The following SPPL2A variants were observed in gnomAD, a reference collection of about 807,000 sequenced individuals.
SPPL2A encodes the protein signal peptide peptidase like 2A, also known as signal peptide peptidase-like 2A.
Under a neutral mutation model 63.8 loss-of-function variants are expected in SPPL2A, and 51 were observed. The observed-to-expected ratio is 0.80, with a 90% CI of 0.64 to 1.01. SPPL2A has a LOEUF of 1.01. Ranked by LOEUF, SPPL2A falls within the 50% of genes least tolerant of loss-of-function variation. The pLI is 0.00. For synonymous variants in SPPL2A, 188 were observed against 205.8 expected (o/e 0.91, Z 0.74); for missense variants, 553 against 622.7 (o/e 0.89, Z 1.19).
rs1289066007 is a variant in SPPL2A at position 50,703,352 on chromosome 15, A to ATTTTTT, written c.*4447_*4448insAAAAAA. The ATTTTTT allele has an allele frequency of 3.5e-4, 22 of 63,360 alleles. No homozygotes were observed. Among genetic ancestry groups the ATTTTTT allele is most frequent in the African/African-American group, 6.9e-4 (11 of 15,854 alleles). 3.9% of individuals were successfully genotyped at this position (63,360 alleles called of 1,614,324 possible). ...TATATATATATATATATATACATATATATATTTTTTTTTTTTTTTTTTTTT... is the reference window on the plus strand; with the variant it reads ...TATATATATATATATATATACATATATTTTTTTATATTTTTTTTTTTTTTTTTTTTT... On this transcript the variant is annotated 3_prime_UTR_variant, in exon 15 of 15. Coordinates refer to ENST00000261854, the MANE Select transcript of SPPL2A (RefSeq NM_032802.4).
At chr15:50,755,317 CAAA>C (rs112405405) in intron 1 of SPPL2A, among the ~76,000 whole-genome samples, 1 of 119,710 alleles carries the variant, frequency 8.4e-6, no homozygotes. Context: ...GACTCTGTCT[CAAA>C]AAAAAAAAAA....
intron 1 of SPPL2A, among the ~76,000 whole-genome samples, chr15:50,756,949 C>T (rs914774768): frequency 6.6e-6 from 1 of 152,114 alleles, no homozygotes; most frequent in Admixed American, 6.6e-5. Context: ...CCAACCATCA[C>T]ACTCCAGTTT....
intron 14 of SPPL2A, among the ~76,000 whole-genome samples, chr15:50,715,698 T>C (rs2062594616): frequency 6.6e-6 from 1 of 152,186 alleles, no homozygotes; most frequent in Non-Finnish European, 1.5e-5. Context: ...TATGCACTAA[T>C]TTGTAATTAA....
rs545219549 is a variant in SPPL2A, at chr15:50,750,899, C to T, written c.67-1153G>A. Reference sequence around the variant, plus strand: ...ATGTTGATGTACTAAGCTTCTGCCACCAAAGCACATTATTAGATTGAATCA... The same window carrying T: ...ATGTTGATGTACTAAGCTTCTGCCATCAAAGCACATTATTAGATTGAATCA... On this transcript the variant is annotated intron_variant, in intron 1 of 14. Transcript: ENST00000261854. Among the ~76,000 whole-genome samples the T allele has an allele frequency of 2.6e-5, 4 of 152,332 alleles. No individual in the cohort carries two copies. In the South Asian group the frequency reaches 8.3e-4, roughly 32 times the overall value.
At chr15:50,732,793 C>T in intron 8 of SPPL2A, 109 bp from the exon 9 acceptor site, 1 of 679,182 alleles carries the variant, frequency 1.5e-6, no homozygotes, top group Non-Finnish European at 2.5e-6. Context: ...TTTGACTATT[C>T]CTTTTTTTTT....
At position 50,747,543 on chromosome 15, in the gene SPPL2A, G is replaced by T. The variant is rs200127156; in HGVS notation, c.536C>A (p.Ala179Glu). The change falls in exon 5 of 15, where the codon GCG becomes GAG. Residue 179 changes from alanine to glutamate, a missense_variant. Ala to Glu is a moderately radical substitution (Grantham distance 107). Transcript: ENST00000261854. Reference sequence around the variant, plus strand: ...TCCACCTAATGCCACAGTGAACACCGCAATTACAAAAATAACCACCATAGT... The same window carrying T: ...TCCACCTAATGCCACAGTGAACACCTCAATTACAAAAATAACCACCATAGT... ...DYTMVVIFVIAVFTVALGGYW... is the reference protein window; with the variant it reads ...DYTMVVIFVIEVFTVALGGYW... 13 of 1,610,640 alleles carry T rather than the reference G, an allele frequency of 8.1e-6. No individual in the cohort carries two copies. The highest frequency in any genetic ancestry group is 1.1e-5 in the Non-Finnish European group (13 of 1,177,510).
intron 1 of SPPL2A, among the ~76,000 whole-genome samples, chr15:50,761,644 A>G (rs919146133): frequency 6.6e-6 from 1 of 151,956 alleles, no homozygotes; most frequent in African/African-American, 2.4e-5. Flanking sequence ...AATAAAATAA[A>G]AAGAGCCAGG....
rs899230485 is a variant in SPPL2A at position 50,705,641 on chromosome 15, T to G, written c.*2159A>C. Reference sequence around the variant, plus strand: ...AATTAACTCTTGTCAGGTAAGTCATTTGCCATAAACGAAAGGACCCATAAC... The same window carrying G: ...AATTAACTCTTGTCAGGTAAGTCATGTGCCATAAACGAAAGGACCCATAAC... On this transcript the variant is annotated 3_prime_UTR_variant, in exon 15 of 15. Transcript: ENST00000261854. The G allele has an allele frequency of 9.9e-5, 15 of 152,282 alleles. No homozygotes were observed. Among genetic ancestry groups the G allele is most frequent in the African/African-American group, 3.6e-4 (15 of 41,552 alleles). The allele number at this position is 152,282 out of a possible 1,614,324, so 9.4% of individuals were successfully genotyped here.
chr15:50,724,342 C>T (rs547619456), intron 12 of SPPL2A, among the ~76,000 whole-genome samples: 2 of 152,038 alleles, frequency 1.3e-5, no homozygotes, highest in South Asian at 2.1e-4. Context: ...TTTGGGAGGC[C>T]GAAGCGGGCA....
chr15:50,748,969 G>T, intron 2 of SPPL2A, 99 bp from the exon 3 acceptor site: 1 of 646,706 alleles, frequency 1.5e-6, no homozygotes, highest in Non-Finnish European at 2.5e-6. Context: ...ATTGGTTTAA[G>T]ACAATATCTT....
chr15:50,745,629 C>T lies in SPPL2A; in HGVS notation c.584+1866G>A, dbSNP rs2062851835. ...GTGGCACAATCACAGCTCCCTATAACCTGAAACTCCTGGGTTCAAGCAATC... is the reference window on the plus strand; with the variant it reads ...GTGGCACAATCACAGCTCCCTATAATCTGAAACTCCTGGGTTCAAGCAATC... On this transcript the variant is annotated intron_variant, in intron 5 of 14. Transcript: ENST00000261854. Among the ~76,000 whole-genome samples the T allele has an allele frequency of 3.3e-5, 5 of 150,416 alleles. No individual in the cohort carries two copies. The Admixed American group carries it at 3.3e-4, about 10-fold the overall frequency.
chr15:50,750,016 C>T (rs1230587214), intron 1 of SPPL2A, among the ~76,000 whole-genome samples: 1 of 152,198 alleles, frequency 6.6e-6, no homozygotes, highest in East Asian at 1.9e-4. Flanking sequence ...GGCCGTACCC[C>T]AGGGAGAATT....
intron 1 of SPPL2A, 104 bp downstream of exon 1, chr15:50,765,364 C>A (rs1429935868): frequency 2.2e-5 from 18 of 800,128 alleles, no homozygotes; most frequent in Non-Finnish European, 3.3e-5. Context: ...CGCGGAGGTG[C>A]GGGCAGAGGG....
At chr15:50,737,563 C>T (rs1284529947) in intron 6 of SPPL2A, among the ~76,000 whole-genome samples, 2 of 152,090 alleles carry the variant, frequency 1.3e-5, no homozygotes, top group Non-Finnish European at 2.9e-5. Flanking sequence ...AGCGACTCTC[C>T]TGCCTCAGCC....
At chr15:50,756,622 A>G (rs2141060015) in intron 1 of SPPL2A, among the ~76,000 whole-genome samples, 1 of 152,238 alleles carries the variant, frequency 6.6e-6, no homozygotes, top group South Asian at 2.1e-4. Context: ...ATGGTGGCTC[A>G]TACCTGGAAT....
chr15:50,747,945 C>T (rs2062872258), intron 4 of SPPL2A, 168 bp downstream of exon 4: 1 of 457,704 alleles, frequency 2.2e-6, no homozygotes, highest in African/African-American at 2.0e-5. Flanking sequence ...CTTTGAGACA[C>T]TTGGTGCCAA....
At chr15:50,763,637 G>A (rs1258913616) in intron 1 of SPPL2A, among the ~76,000 whole-genome samples, 4 of 152,154 alleles carry the variant, frequency 2.6e-5, no homozygotes, top group Admixed American at 6.6e-5. Context: ...GGTGGCTCAC[G>A]CCTGTAATCC....
chr15:50,736,561 AG>A, intron 7 of SPPL2A, 82 bp downstream of exon 7: 1 of 764,020 alleles, frequency 1.3e-6, no homozygotes, highest in East Asian at 2.5e-5. Context: ...TGGACTATAT[AG>A]GTTTCAAATA....
At chr15:50,748,356 T>C (rs988593578) in intron 3 of SPPL2A, among the ~76,000 whole-genome samples, 154 bp from the exon 4 acceptor site, 6 of 151,696 alleles carry the variant, frequency 4.0e-5, no homozygotes, top group Non-Finnish European at 8.8e-5. Context: ...CAAAATTGAA[T>C]CCTTTTAACA....
Sources: gnomAD v4.1 joint callset for allele counts (sites outside exome capture counted in the v4.1 genomes callset) on GRCh38, gnomAD v4.1.1 for gene constraint, MANE v1.5 for transcripts, NCBI Gene and HGNC (gene_info 2026-07-23, HGNC 2026-07-21) for gene names.